Variants in SELENBP1 observed in about 807,000 individuals in gnomAD.
SELENBP1 encodes the protein methanethiol oxidase.
A neutral mutation model predicts 61.0 loss-of-function variants in SELENBP1; 71 were observed. That is an observed-to-expected ratio of 1.16 (90% CI 0.96 to 1.42). SELENBP1 has a LOEUF of 1.42. Ranked by LOEUF, SELENBP1 falls within the 40% of genes most tolerant of loss-of-function variation. SELENBP1 has a pLI of 0.00. For missense variants in SELENBP1, 561 were observed against 605.0 expected (o/e 0.93, Z 0.76); for synonymous variants, 270 against 238.9 (o/e 1.13, Z -1.20).
chr1:151,372,616 G>A (rs779404107), intron 1 of SELENBP1, 22 bp downstream of exon 1: 6 of 1,614,050 alleles, frequency 3.7e-6, no homozygotes, highest in Non-Finnish European at 5.1e-6. Flanking sequence ...GGCAATGGGT[G>A]ATTGGAAACC....
At position 151,369,743 on chromosome 1, in the gene SELENBP1, C is replaced by A. The variant is rs369213210; in HGVS notation, c.31G>T (p.Gly11Cys). Reference sequence around the variant, plus strand: ...ATGGCCTCCAGAGGGGTGGAGTAGCCGGGTCCACAATTCCCACATTTCGTA... The same window carrying A: ...ATGGCCTCCAGAGGGGTGGAGTAGCAGGGTCCACAATTCCCACATTTCGTA... The part of the protein sequence containing the change: MATKCGNCGP[G>C]YSTPLEAMKG... The change falls in exon 2 of 12, where the codon GGC becomes TGC. Residue 11 changes from glycine (G) to cysteine (C), a missense_variant. Physicochemically the swap from Gly to Cys is radical, Grantham distance 159. Coordinates refer to ENST00000368868, the MANE Select transcript of SELENBP1 (RefSeq NM_003944.4). The A allele has an allele frequency of 3.9e-6, 6 of 1,552,514 alleles. No homozygotes were observed. The highest frequency in any genetic ancestry group is 5.2e-6 in the Non-Finnish European group (6 of 1,147,502).
At chr1:151,366,490 T>C (rs1651829078) in intron 6 of SELENBP1, 37 bp from the exon 7 acceptor site, 2 of 1,599,122 alleles carry the variant, frequency 1.3e-6, no homozygotes, top group Non-Finnish European at 1.7e-6. Flanking sequence ...AGGCTCAGCA[T>C]CAGAGGTTGG....
In SELENBP1 at chr1:151,365,817, G is replaced by A. The variant is rs773112111; in HGVS notation, c.873C>T (p.Ile291=). Reference sequence around the variant, plus strand: ...CCTTCACTTTCTTGGGGGGCACCTGGATCACCTTCTCCACTGACCATGTAC... The same window carrying A: ...CCTTCACTTTCTTGGGGGGCACCTGAATCACCTTCTCCACTGACCATGTAC... ...EGGTWSVEKV[I]QVPPKKVKGW... The change falls in exon 8 of 12, where the codon ATC becomes ATT. Residue 291 remains isoleucine (I), a synonymous_variant. Transcript: ENST00000368868. The A allele has an allele frequency of 5.6e-6, 9 of 1,614,180 alleles. No individual in the cohort carries two copies. Among genetic ancestry groups the A allele is most frequent in the Middle Eastern group, 3.3e-4 (2 of 6,062 alleles).
rs183376085 is a variant in SELENBP1 at position 151,367,236 on chromosome 1, C to T, written c.482-332G>A. 7.6e-5 allele frequency: 17 copies of T among 223,374 alleles called. No individual in the cohort carries two copies. The Middle Eastern group carries it at 5.6e-3, about 73-fold the overall frequency. 13.8% of individuals were successfully genotyped at this position (223,374 alleles called of 1,614,324 possible). ...TCACATGCCTGTAATCCCAGCTACT[C>T]GGGAGGCTGAGGCAGGATAATCTCT... On this transcript the variant is annotated intron_variant, in intron 5 of 11. Coordinates refer to ENST00000368868, the MANE Select transcript of SELENBP1 (RefSeq NM_003944.4).
In SELENBP1 at chr1:151,365,841, AC is replaced by A. The variant is rs753540216; in HGVS notation, c.848del (p.Gly283ValfsTer8). ...GGATCACCTTCTCCACTGACCATGTACCTCCCTACATTGAGGGGTGGAGGGT... is the reference window on the plus strand; with the variant it reads ...GGATCACCTTCTCCACTGACCATGTACTCCCTACATTGAGGGGTGGAGGGT... The part of the protein sequence containing the change: ...TIQRFYKNEG[G>X]TWSVEKVIQV... On this transcript the variant is annotated frameshift_variant, in exon 8 of 12. Transcript: ENST00000368868. LOFTEE classifies it high-confidence loss of function. 3.1e-6 allele frequency: 5 copies of A among 1,613,766 alleles called. No individual in the cohort carries two copies. In the South Asian group the frequency reaches 4.4e-5, roughly 14 times the overall value.
intron 5 of SELENBP1, chr1:151,367,201 A>AGGCAT (rs1280946125): frequency 2.7e-6 from 1 of 371,462 alleles, no homozygotes; most frequent in Non-Finnish European, 4.3e-6. Context: ...AAAATTACCC[A>AGGCAT]GGCATGGCGT....
rs777457046 is a variant in SELENBP1, at chr1:151,372,668, G to A, written c.-27C>T. ...CTGCCGACTGGTACACTTTGATCCC[G>A]GCGGGTTTGCTGTGCTGGTGTCAGA... On this transcript the variant is annotated 5_prime_UTR_variant, in exon 1 of 12. Transcript: ENST00000368868. 2.3e-5 allele frequency: 37 copies of A among 1,613,830 alleles called. No homozygotes were observed. The highest frequency in any genetic ancestry group is 6.7e-5 in the Admixed American group (4 of 59,960).
chr1:151,368,970 T>C, intron 4 of SELENBP1, 34 bp downstream of exon 4: 1 of 1,578,750 alleles, frequency 6.3e-7, no homozygotes, highest in Non-Finnish European at 8.7e-7. Flanking sequence ...AGGTGTCTTA[T>C]GGTCTACTGA....
chr1:151,369,211 T>G (rs1571285232), intron 3 of SELENBP1, 22 bp from the exon 4 acceptor site: 2 of 1,600,342 alleles, frequency 1.2e-6, no homozygotes, highest in Non-Finnish European at 1.7e-6. Flanking sequence ...GGAGAGGTGG[T>G]GCTCCCCCAG....
At position 151,366,275 on chromosome 1, in the gene SELENBP1, C is replaced by A; in HGVS notation, c.843G>T (p.Glu281Asp). ...SSTIQRFYKN[E>D]GGTWSVEKVI... ...GGGAGGGCCAGAGGGCGTATGTCACCTCGTTCTTGTAGAAGCGCTGGATGG... is the reference window on the plus strand; with the variant it reads ...GGGAGGGCCAGAGGGCGTATGTCACATCGTTCTTGTAGAAGCGCTGGATGG... Residue 281 changes from glutamate (E) to aspartate (D), a missense_variant and splice_region_variant, in exon 7 of 12, where the codon GAG becomes GAT. Coordinates refer to ENST00000368868, the MANE Select transcript of SELENBP1 (RefSeq NM_003944.4). 1 of 1,612,260 alleles carries A rather than the reference C, an allele frequency of 6.2e-7. No homozygotes were observed. Among genetic ancestry groups the A allele is most frequent in the Non-Finnish European group, 8.5e-7 (1 of 1,179,014 alleles).
rs150747769 is a variant in SELENBP1, at chr1:151,369,023, C to T, written c.341G>A (p.Arg114Gln). 383 of 1,611,376 alleles carry T rather than the reference C, an allele frequency of 2.4e-4. 2 individuals carry two copies. The highest frequency in any genetic ancestry group is 1.7e-3 in the Middle Eastern group (10 of 6,054). ...ACATGCCTTGTGCAGCTTTGGGGCC[C>T]GGGGCTCAGAGCCCACGTCCACCAC... ...IYVVDVGSEP[R>Q]APKLHKVIEP... The change falls in exon 4 of 12, where the codon CGG (arginine) becomes CAG (glutamine). Residue 114 changes from arginine (R) to glutamine (Q), a missense_variant. Arg to Gln is a conservative substitution (Grantham distance 43). Coordinates refer to ENST00000368868, the MANE Select transcript of SELENBP1 (RefSeq NM_003944.4).
At chr1:151,368,502 A>C (rs1651972494) in intron 4 of SELENBP1, among the ~76,000 whole-genome samples, 183 bp from the exon 5 acceptor site, 1 of 152,232 alleles carries the variant, frequency 6.6e-6, no homozygotes, top group Admixed American at 6.5e-5. Context: ...GCAGCAAGGG[A>C]AAGTCAGAGA....
Position 151,366,740 on chromosome 1 carries a change from G to T in SELENBP1, c.646C>A (p.Pro216Thr). 6.2e-7 allele frequency: 1 copy of T among 1,614,098 alleles called. No individual in the cohort carries two copies. Residue 216 changes from proline to threonine, a missense_variant, in exon 6 of 12, where the codon CCC becomes ACC. Physicochemically the swap from Pro to Thr is conservative, Grantham distance 38. Coordinates refer to ENST00000368868, the MANE Select transcript of SELENBP1 (RefSeq NM_003944.4). Reference sequence around the variant, plus strand: ...TTCTCACCAGCCTCCACATCAGCGGGGTTGAAGCCATCTCGTAAGACATTG... The same window carrying T: ...TTCTCACCAGCCTCCACATCAGCGGTGTTGAAGCCATCTCGTAAGACATTG... ...APNVLRDGFN[P>T]ADVEAGLYGS... is the part of the protein sequence containing the mutation.
At chr1:151,365,897 C>T in intron 7 of SELENBP1, 51 bp from the exon 8 acceptor site, 1 of 1,597,248 alleles carries the variant, frequency 6.3e-7, no homozygotes, top group South Asian at 1.1e-5. Context: ...GTCAGCCTAT[C>T]AGAATTGGGG....
chr1:151,365,947 G>C, intron 7 of SELENBP1, 101 bp from the exon 8 acceptor site: 2 of 1,230,868 alleles, frequency 1.6e-6, no homozygotes, highest in South Asian at 2.7e-5. Context: ...CTGGGAGGGA[G>C]AGAATAGATG....
At position 151,369,538 on chromosome 1, in the gene SELENBP1, G is replaced by A. The variant is rs746617121; in HGVS notation, c.78C>T (p.Ile26=). 10 of 1,608,426 alleles carry A rather than the reference G, an allele frequency of 6.2e-6. No individual in the cohort carries two copies. Among genetic ancestry groups the A allele is most frequent in the African/African-American group, 2.7e-5 (2 of 74,884 alleles). Residue 26 remains isoleucine (I), a synonymous_variant, in exon 3 of 12, where the codon ATC becomes ATT. Coordinates refer to ENST00000368868, the MANE Select transcript of SELENBP1 (RefSeq NM_003944.4). ...TTCGGTAAATGCAGGGCAGGTAGACGATCTCTTCCCTGGGTCCTGCACGGT... is the reference window on the plus strand; with the variant it reads ...TTCGGTAAATGCAGGGCAGGTAGACAATCTCTTCCCTGGGTCCTGCACGGT... ...LEAMKGPREE[I]VYLPCIYRNT...
At chr1:151,372,608 C>G in intron 1 of SELENBP1, 30 bp downstream of exon 1, 1 of 1,614,104 alleles carries the variant, frequency 6.2e-7, no homozygotes, top group Non-Finnish European at 8.5e-7. Context: ...ACAGAGCAGG[C>G]AATGGGTGAT....
At chr1:151,365,743 A>G (rs763028058) in intron 8 of SELENBP1, 25 bp downstream of exon 8, 1 of 1,614,096 alleles carries the variant, frequency 6.2e-7, no homozygotes, top group South Asian at 1.1e-5. Context: ...CCAAGAATCA[A>G]CTTTCCTATG....
chr1:151,372,704 C>G lies in SELENBP1; in HGVS notation c.-63G>C. The G allele has an allele frequency of 6.2e-7, 1 of 1,613,304 alleles. No individual in the cohort carries two copies. The highest frequency in any genetic ancestry group is 2.2e-5 in the East Asian group (1 of 44,862). ...TGTGCTGGTGTCAGAGGCCGCTGTT[C>G]CGGGGAAGGAGCGAAGGGAGGGAAT... On this transcript the variant is annotated 5_prime_UTR_variant, in exon 1 of 12. Coordinates refer to ENST00000368868, the MANE Select transcript of SELENBP1 (RefSeq NM_003944.4).
Sources: allele counts gnomAD v4.1 joint callset (sites outside exome capture counted in the v4.1 genomes callset), GRCh38; gene constraint gnomAD v4.1.1; transcripts MANE v1.5; gene names NCBI Gene and HGNC (gene_info 2026-07-23, HGNC 2026-07-21).